Variants in ARHGAP15 observed in about 807,000 individuals in gnomAD.
ARHGAP15 encodes the protein Rho GTPase activating protein 15, also known as rho GTPase-activating protein 15.
A neutral mutation model predicts 63.7 loss-of-function variants in ARHGAP15; 51 were observed. That is an observed-to-expected ratio of 0.80 (90% CI 0.64 to 1.01). The LOEUF is 1.01. Among genes scored for constraint, ARHGAP15 ranks in the 50% least tolerant of loss-of-function variants. ARHGAP15 has a pLI of 0.00. For missense variants in ARHGAP15, 560 were observed against 564.6 expected (o/e 0.99, Z 0.08); for synonymous variants, 191 against 193.8 (o/e 0.99, Z 0.12).
At chr2:143,583,100 T>C (rs1026413411) in intron 11 of ARHGAP15, among the ~76,000 whole-genome samples, 1 of 152,132 alleles carries the variant, frequency 6.6e-6, no homozygotes, top group African/African-American at 2.4e-5. Flanking sequence ...CCTCCTGATC[T>C]TGCTAAAGGG....
At position 143,624,223 on chromosome 2, in the gene ARHGAP15, C is replaced by T. The variant is rs1698750986; in HGVS notation, c.1094C>T (p.Pro365Leu). 5 of 1,613,404 alleles carry T rather than the reference C, an allele frequency of 3.1e-6. No individual in the cohort carries two copies. The highest frequency in any genetic ancestry group is 3.4e-6 in the Non-Finnish European group (4 of 1,179,620). Residue 365 changes from proline (P) to leucine (L), a missense_variant, in exon 12 of 14, where the codon CCG becomes CTG. Physicochemically the swap from Pro to Leu is moderately conservative, Grantham distance 98. Transcript: ENST00000295095. ...ATGTTTTTCCGGGAGCTGCCTGAGC[C>T]GCTCTTCCCTTACAGTTTCTTTGAG... ...LKMFFRELPE[P>L]LFPYSFFEQF...
chr2:143,612,194 C>G (rs917906066), intron 11 of ARHGAP15, among the ~76,000 whole-genome samples: 1 of 152,200 alleles, frequency 6.6e-6, no homozygotes, highest in African/African-American at 2.4e-5. Context: ...TCATCATTCA[C>G]CTTTGCACTG....
rs768365962 is a variant in ARHGAP15 at position 143,487,447 on chromosome 2, AC to A, written c.781del (p.Arg261GlufsTer5). The A allele has an allele frequency of 6.2e-7, 1 of 1,613,798 alleles. No homozygotes were observed. Among genetic ancestry groups the A allele is most frequent in the South Asian group, 1.1e-5 (1 of 91,020 alleles). ...RVKSRLKKFI[T>X]RRPSLKTLQE... is the part of the protein sequence containing the mutation. ...TAAAAGCAGATTAAAGAAGTTTATT[AC>A]CCGAAGACCTTCCCTGAAAACTCTG... On this transcript the variant is annotated frameshift_variant, in exon 9 of 14. Coordinates refer to ENST00000295095, the MANE Select transcript of ARHGAP15 (RefSeq NM_018460.4). LOFTEE classifies it high-confidence loss of function.
intron 13 of ARHGAP15, among the ~76,000 whole-genome samples, chr2:143,753,171 G>GT (rs930387193): frequency 6.6e-6 from 1 of 152,132 alleles, no homozygotes; most frequent in African/African-American, 2.4e-5. Context: ...TAAAATATAT[G>GT]TTGACAGATC....
intron 4 of ARHGAP15, among the ~76,000 whole-genome samples, chr2:143,217,089 C>A (rs1454436879): frequency 2.0e-5 from 3 of 152,072 alleles, no homozygotes; most frequent in African/African-American, 7.2e-5. Flanking sequence ...TAGCTTTGTG[C>A]TGGGTGATAT....
chr2:143,376,025 G>A lies in ARHGAP15; in HGVS notation c.475-59576G>A, dbSNP rs552882628. On this transcript the variant is annotated intron_variant, in intron 6 of 13. Coordinates refer to ENST00000295095, the MANE Select transcript of ARHGAP15 (RefSeq NM_018460.4). ...AATACACACGCATGTGGCATTCTTT[G>A]TCATCTCTGACATCTTCAACTTCCG... Among the ~76,000 whole-genome samples the A allele has an allele frequency of 2.0e-5, 3 of 152,318 alleles. No individual in the cohort carries two copies. The East Asian group carries it at 5.8e-4, about 29-fold the overall frequency.
At chr2:143,680,331 A>T (rs1426252097) in intron 12 of ARHGAP15, among the ~76,000 whole-genome samples, 1 of 152,242 alleles carries the variant, frequency 6.6e-6, no homozygotes, top group Non-Finnish European at 1.5e-5. Context: ...AATTTTATAC[A>T]ATAATGTGGA....
chr2:143,246,910 G>T (rs542715848), intron 5 of ARHGAP15, among the ~76,000 whole-genome samples: 6 of 152,314 alleles, frequency 3.9e-5, no homozygotes, highest in African/African-American at 1.4e-4. Flanking sequence ...CAAGAGACGG[G>T]CAAGGTCCTG....
Position 143,170,833 on chromosome 2 carries a change from A to T in ARHGAP15, c.165+15178A>T, listed in dbSNP as rs143488853. ...TTTTAAAAACTTATTTATCCTCATT[A>T]TTATTAGTCAGCATTTTATGTGTTC... On this transcript the variant is annotated intron_variant, in intron 2 of 13. Transcript: ENST00000295095. Among the ~76,000 whole-genome samples the T allele has an allele frequency of 7.9e-4, 121 of 152,228 alleles. 1 individual carries two copies. In the Middle Eastern group the frequency reaches 0.014, roughly 17 times the overall value.
intron 6 of ARHGAP15, among the ~76,000 whole-genome samples, chr2:143,409,177 C>T (rs574845105): frequency 3.0e-4 from 45 of 152,000 alleles, no homozygotes; most frequent in African/African-American, 1.1e-3. Flanking sequence ...AAAAGCTAGC[C>T]TATGTAAAGC....
chr2:143,392,768 G>GT (rs1687589284), intron 6 of ARHGAP15, among the ~76,000 whole-genome samples: 1 of 152,126 alleles, frequency 6.6e-6, no homozygotes, highest in African/African-American at 2.4e-5. Flanking sequence ...ATTCTGTACA[G>GT]TACATATGTC....
chr2:143,545,268 G>A (rs1695279530), intron 10 of ARHGAP15, among the ~76,000 whole-genome samples: 3 of 152,180 alleles, frequency 2.0e-5, no homozygotes, highest in Admixed American at 1.3e-4. Context: ...CAAAGGGTCT[G>A]AATTGGAGGC....
rs190889172 is a variant in ARHGAP15 at position 143,474,268 on chromosome 2, G to A, written c.704-13105G>A. On this transcript the variant is annotated intron_variant, in intron 8 of 13. Transcript: ENST00000295095. ...GAAATGGATAAAAGCAAAACACTTA[G>A]CATTGCTACATGTCAAAAGGAAGGC... is the stretch of plus-strand genomic sequence containing the variant. 5.9e-5 allele frequency among the ~76,000 whole-genome samples: 9 copies of A among 152,192 alleles called. No homozygotes were observed. In the East Asian group the frequency reaches 1.7e-3, roughly 29 times the overall value.
chr2:143,372,526 T>A (rs780782870), intron 6 of ARHGAP15, among the ~76,000 whole-genome samples: 1 of 152,084 alleles, frequency 6.6e-6, no homozygotes, highest in Non-Finnish European at 1.5e-5. Context: ...CATTAATGAA[T>A]GGGTATTCAT....
rs1698625646 is a variant in ARHGAP15, at chr2:143,620,982, A to C, written c.1004-3151A>C. On this transcript the variant is annotated intron_variant, in intron 11 of 13. Transcript: ENST00000295095. Reference sequence around the variant, plus strand: ...TATCTAATTTTCTAGTTCCCTGACCACCTATGGTAGACTTCGTAAATCTTT... The same window carrying C: ...TATCTAATTTTCTAGTTCCCTGACCCCCTATGGTAGACTTCGTAAATCTTT... Among the ~76,000 whole-genome samples, 4 of 152,360 alleles carry C rather than the reference A, an allele frequency of 2.6e-5. No homozygotes were observed. The South Asian group carries it at 8.3e-4, about 32-fold the overall frequency.
intron 12 of ARHGAP15, among the ~76,000 whole-genome samples, chr2:143,653,497 A>G (rs1681277834): frequency 6.6e-6 from 1 of 152,034 alleles, no homozygotes; most frequent in South Asian, 2.1e-4. Context: ...CATTTCATCT[A>G]TTTTGCTAAA....
intron 6 of ARHGAP15, among the ~76,000 whole-genome samples, chr2:143,331,999 T>C (rs1174629807): frequency 6.6e-6 from 1 of 152,158 alleles, no homozygotes; most frequent in Non-Finnish European, 1.5e-5. Context: ...CTTGTCCTTC[T>C]AGCTAATTTT....
intron 11 of ARHGAP15, among the ~76,000 whole-genome samples, chr2:143,618,867 C>T (rs951049814): frequency 9.9e-5 from 15 of 151,708 alleles, no homozygotes; most frequent in African/African-American, 2.4e-4. Context: ...AGTCTCGCTC[C>T]GTCACCGAGG....
chr2:143,138,044 T>C (rs940201957), intron 1 of ARHGAP15, among the ~76,000 whole-genome samples: 4 of 152,150 alleles, frequency 2.6e-5, no homozygotes, highest in Non-Finnish European at 5.9e-5. Context: ...GTAAGTACTA[T>C]AGTTGTTACC....
Sources: gnomAD v4.1 joint callset for allele counts (sites outside exome capture counted in the v4.1 genomes callset) on GRCh38, gnomAD v4.1.1 for gene constraint, MANE v1.5 for transcripts, NCBI Gene and HGNC (gene_info 2026-07-23, HGNC 2026-07-21) for gene names.